SLC12A6: variants seen among roughly 807,000 people sequenced by gnomAD.
SLC12A6 encodes solute carrier family 12 member 6, also known as K-Cl cotransporter 3.
In SLC12A6, 66 loss-of-function variants were observed where a neutral mutation model predicts 135.3. The ratio of observed to expected loss-of-function variants is 0.49; its 90% CI spans 0.40 to 0.60. The LOEUF (loss-of-function observed/expected upper bound fraction) is 0.60, where lower values mean the gene tolerates loss of function less well. Among genes scored for constraint, SLC12A6 ranks in the 20% least tolerant of loss-of-function variants. The pLI, the probability that SLC12A6 is intolerant of heterozygous loss-of-function variation, is 0.00. For missense variants in SLC12A6, 1,058 were observed against 1,452.3 expected (o/e 0.73, Z 4.41); for synonymous variants, 513 against 508.8 (o/e 1.01, Z -0.11).
At chr15:34,310,174 A>AGTGTGTGTGTGTGTGT (rs60783164) in intron 2 of SLC12A6, among the ~76,000 whole-genome samples, 8 of 127,742 alleles carry the variant, frequency 6.3e-5, no homozygotes, top group African/African-American at 1.4e-4. Context: ...ACGCCCAGCT[A>AGTGTGTGTGTGTGTGT]GTGTGTGTGT....
intron 2 of SLC12A6, among the ~76,000 whole-genome samples, chr15:34,285,692 A>G (rs533081205): frequency 2.2e-3 from 28 of 12,906 alleles, no homozygotes; most frequent in African/African-American, 4.8e-3. Flanking sequence ...AATGTGCTAT[A>G]TGTGTGTGTG....
chr15:34,248,175 T>C (rs897275100), intron 13 of SLC12A6, among the ~76,000 whole-genome samples: 1 of 152,210 alleles, frequency 6.6e-6, no homozygotes, highest in African/African-American at 2.4e-5. Context: ...ATTACATGAA[T>C]ATATAATTTA....
Position 34,232,214 on chromosome 15 carries a change from A to G in SLC12A6, c.*1667T>C, listed in dbSNP as rs1326283164. On this transcript the variant is annotated 3_prime_UTR_variant, in exon 26 of 26. Coordinates refer to ENST00000354181, the MANE Select transcript of SLC12A6 (RefSeq NM_001365088.1). ...TTAGTAAATAAAAAGCTGAGCTTAC[A>G]CAAGTATTTCCTTGGCACACTGAAC... The G allele has an allele frequency of 6.6e-6, 1 of 152,196 alleles. No individual in the cohort carries two copies. Among genetic ancestry groups the G allele is most frequent in the Admixed American group, 6.5e-5 (1 of 15,282 alleles). The allele number at this position is 152,196 out of a possible 1,614,324, so 9.4% of individuals were successfully genotyped here. A position where few individuals can be genotyped will look rare whatever the true frequency, so the allele number is the denominator to read the frequency against.
In SLC12A6 at chr15:34,250,962, C is replaced by A. The variant is rs931807370; in HGVS notation, c.1429G>T (p.Val477Phe). 3 of 1,612,146 alleles carry A rather than the reference C, an allele frequency of 1.9e-6. No individual in the cohort carries two copies. The highest frequency in any genetic ancestry group is 4.5e-5 in the East Asian group (2 of 44,880). The change falls in exon 11 of 26, where the codon GTT becomes TTT. Residue 477 changes from valine to phenylalanine, a missense_variant. Val to Phe is a conservative substitution (Grantham distance 50). This residue lies in a region of SLC12A6 where 297 missense variants were observed against 318.5 expected (regional missense o/e 0.93). Coordinates refer to ENST00000354181, the MANE Select transcript of SLC12A6 (RefSeq NM_001365088.1). ...DVLGSLNHEY[V>F]LVDITTSFTL... ...AAGGAGGTGGTGATGTCAACAAGAA[C>A]ATATTCATGGTTTAAGCTGCCTAAG...
At chr15:34,311,890 T>C (rs946594383) in intron 2 of SLC12A6, among the ~76,000 whole-genome samples, 2 of 152,222 alleles carry the variant, frequency 1.3e-5, no homozygotes, top group African/African-American at 4.8e-5. Context: ...CCTGCAAGAA[T>C]TGTGTCCCTT....
chr15:34,261,298 T>C (rs1417113938), intron 3 of SLC12A6, among the ~76,000 whole-genome samples: 2 of 152,028 alleles, frequency 1.3e-5, no homozygotes, highest in Non-Finnish European at 2.9e-5. Context: ...TTCCAGCCCA[T>C]GAAGACTCTT....
In SLC12A6 at chr15:34,238,394, A is replaced by C; in HGVS notation, c.2640T>G (p.Val880=). Residue 880 remains valine (V), a synonymous_variant, in exon 21 of 26, where the codon GTT becomes GTG. Coordinates refer to ENST00000354181, the MANE Select transcript of SLC12A6 (RefSeq NM_001365088.1). ...CAAGATGGGCAGCAGTTGTCACTCG[A>C]ACTGTGCCTAGGGAGAAAAAAGAAT... ...ARAWKTFIGT[V]RVTTAAHLAL... The C allele has an allele frequency of 1.2e-6, 2 of 1,612,968 alleles. No homozygotes were observed. The highest frequency in any genetic ancestry group is 2.2e-5 in the South Asian group (2 of 91,060).
chr15:34,232,003 A>G lies in SLC12A6; in HGVS notation c.*1878T>C, dbSNP rs987165220. ...GCTCCATGTCCTATTTAGTAATCAAAGAAGAGTGGCACTATTTATGACTAA... is the reference window on the plus strand; with the variant it reads ...GCTCCATGTCCTATTTAGTAATCAAGGAAGAGTGGCACTATTTATGACTAA... On this transcript the variant is annotated 3_prime_UTR_variant, in exon 26 of 26. Coordinates refer to ENST00000354181, the MANE Select transcript of SLC12A6 (RefSeq NM_001365088.1). 6.6e-6 allele frequency: 1 copy of G among 152,230 alleles called. No homozygotes were observed. The highest frequency in any genetic ancestry group is 6.5e-5 in the Admixed American group (1 of 15,284). The allele number at this position is 152,230 out of a possible 1,614,324, so 9.4% of individuals were successfully genotyped here. A position where few individuals can be genotyped will look rare whatever the true frequency, so the allele number is the denominator to read the frequency against.
chr15:34,298,142 CA>C (rs1359506176), intron 2 of SLC12A6, among the ~76,000 whole-genome samples: 1 of 152,026 alleles, frequency 6.6e-6, no homozygotes, highest in Non-Finnish European at 1.5e-5. Context: ...AATTATGAAA[CA>C]ATAAAATTAT....
At chr15:34,250,194 G>T in intron 13 of SLC12A6, 104 bp downstream of exon 13, 1 of 808,072 alleles carries the variant, frequency 1.2e-6, no homozygotes, top group Non-Finnish European at 2.2e-6. Context: ...CATGAGCCAC[G>T]GTGCCTGGCT....
At chr15:34,283,682 T>C (rs1005084980) in intron 2 of SLC12A6, among the ~76,000 whole-genome samples, 38 of 152,152 alleles carry the variant, frequency 2.5e-4, no homozygotes, top group African/African-American at 8.4e-4. Flanking sequence ...GCACTACATC[T>C]TGTAGTGTAG....
At chr15:34,238,806 G>A (rs1891449451) in intron 20 of SLC12A6, 159 bp downstream of exon 20, 6 of 751,670 alleles carry the variant, frequency 8.0e-6, no homozygotes, top group Admixed American at 7.0e-5. Context: ...AAGGGGGTAG[G>A]TAGAATCTGG....
At chr15:34,284,663 T>C (rs1351818012) in intron 2 of SLC12A6, among the ~76,000 whole-genome samples, 2 of 152,216 alleles carry the variant, frequency 1.3e-5, no homozygotes, top group Admixed American at 6.5e-5. Flanking sequence ...TTCTAGTTAC[T>C]AGAAATGTAG....
rs754381718 is a variant in SLC12A6, at chr15:34,236,137, G to A, written c.3105C>T (p.Asp1035=). The change falls in exon 24 of 26, where the codon GAC becomes GAT. Residue 1035 remains aspartate (D), a synonymous_variant. Transcript: ENST00000354181. The part of the protein sequence containing the change: ...LRLTSIGSDE[D]EETETYQEKV... ...TCTCCTGATAGGTTTCTGTCTCTTC[G>A]TCCTCATCAGAGCCAATGCTGGTCA... 25 of 1,613,302 alleles carry A rather than the reference G, an allele frequency of 1.5e-5. No individual in the cohort carries two copies. The Middle Eastern group carries it at 6.6e-4, about 42-fold the overall frequency.
rs776986682 is a variant in SLC12A6, at chr15:34,242,124, A to G, written c.2140T>C (p.Tyr714His). The change falls in exon 17 of 26, where the codon TAC (tyrosine) becomes CAC (histidine). Residue 714 changes from tyrosine (Y) to histidine (H), a missense_variant. Physicochemically the swap from Tyr to His is moderately conservative, Grantham distance 83 (BLOSUM62 2). This residue lies in a region of SLC12A6 where 170 missense variants were observed against 297.6 expected (regional missense o/e 0.57). Coordinates refer to ENST00000354181, the MANE Select transcript of SLC12A6 (RefSeq NM_001365088.1). Reference sequence around the variant, plus strand: ...CACCCTTGGTATTCAATGTACTTGTAGATCATACCAGCTATTACCATGGCT... The same window carrying G: ...CACCCTTGGTATTCAATGTACTTGTGGATCATACCAGCTATTACCATGGCT... ...IVAMVIAGMI[Y>H]KYIEYQGAEK... 1 of 1,598,978 alleles carries G rather than the reference A, an allele frequency of 6.3e-7. No homozygotes were observed. Among genetic ancestry groups the G allele is most frequent in the Non-Finnish European group, 8.6e-7 (1 of 1,166,380 alleles).
At chr15:34,249,484 T>C (rs1892238465) in intron 13 of SLC12A6, among the ~76,000 whole-genome samples, 2 of 152,122 alleles carry the variant, frequency 1.3e-5, no homozygotes, top group South Asian at 4.1e-4. Context: ...GGAGGATTAC[T>C]TGAGCCCAGG....
intron 2 of SLC12A6, among the ~76,000 whole-genome samples, chr15:34,290,927 CTT>C (rs1490433212): frequency 2.6e-5 from 4 of 152,150 alleles, no homozygotes; most frequent in African/African-American, 4.8e-5. Flanking sequence ...GGTCTTGACT[CTT>C]TATCCAATTT....
intron 2 of SLC12A6, among the ~76,000 whole-genome samples, chr15:34,319,996 C>A (rs895522302): frequency 1.3e-5 from 2 of 152,062 alleles, no homozygotes; most frequent in Non-Finnish European, 2.9e-5. Context: ...GTATCAAGTT[C>A]TCAGCTGACG....
At chr15:34,304,283 A>G (rs930168538) in intron 2 of SLC12A6, among the ~76,000 whole-genome samples, 7 of 152,114 alleles carry the variant, frequency 4.6e-5, no homozygotes, top group African/African-American at 1.7e-4. Flanking sequence ...ATTCCATTAT[A>G]TGGCTATATC....
Sources: allele counts gnomAD v4.1 joint callset (sites outside exome capture counted in the v4.1 genomes callset), GRCh38; gene constraint gnomAD v4.1.1; regional missense constraint gnomAD v4.1.1; transcripts MANE v1.5; gene names NCBI Gene and HGNC (gene_info 2026-07-23, HGNC 2026-07-21).